The following PTBP3 variants were observed in gnomAD, a reference collection of about 807,000 sequenced individuals.
PTBP3 encodes the protein polypyrimidine tract-binding protein 3.
In PTBP3, 20 loss-of-function variants were observed where a neutral mutation model predicts 58.7. The observed-to-expected ratio is 0.34, with a 90% CI of 0.24 to 0.50. The LOEUF (loss-of-function observed/expected upper bound fraction) is 0.50, where lower values mean the gene tolerates loss of function less well. Ranked by LOEUF, PTBP3 falls within the 20% of genes least tolerant of loss-of-function variation. The pLI is 0.98. For synonymous variants in PTBP3, 185 were observed against 219.8 expected (o/e 0.84, Z 1.40); for missense variants, 509 against 637.2 (o/e 0.80, Z 2.17).
At chr9:112,275,324 G>A (rs1215041837) in intron 3 of PTBP3, among the ~76,000 whole-genome samples, 3 of 151,966 alleles carry the variant, frequency 2.0e-5, no homozygotes, top group African/African-American at 7.3e-5. Flanking sequence ...TAGTAGAGAC[G>A]GGGTTTCACC....
chr9:112,229,382 G>A (rs995014880), intron 10 of PTBP3, among the ~76,000 whole-genome samples: 3 of 151,880 alleles, frequency 2.0e-5, no homozygotes, highest in Non-Finnish European at 4.4e-5. Flanking sequence ...TGGCCAACAT[G>A]GGGAAACCCC....
chr9:112,301,072 G>A (rs1414414946), intron 1 of PTBP3, among the ~76,000 whole-genome samples: 1 of 151,944 alleles, frequency 6.6e-6, no homozygotes, highest in East Asian at 1.9e-4. Flanking sequence ...AGAATAAAAA[G>A]ACAACATGGA....
intron 1 of PTBP3, among the ~76,000 whole-genome samples, chr9:112,326,202 T>C (rs543325807): frequency 7.9e-5 from 12 of 152,338 alleles, no homozygotes; most frequent in Non-Finnish European, 1.8e-4. Context: ...TTAAGACATG[T>C]GCATTTCATT....
At chr9:112,261,710 A>C (rs1486230641) in intron 5 of PTBP3, among the ~76,000 whole-genome samples, 2 of 152,240 alleles carry the variant, frequency 1.3e-5, no homozygotes, top group Non-Finnish European at 2.9e-5. Context: ...TGTATATTAC[A>C]TTCTTAGGAT....
chr9:112,365,574 G>A, the PTBP3 span, among the ~76,000 whole-genome samples: 1 of 152,116 alleles, frequency 6.6e-6, no homozygotes, highest in Non-Finnish European at 1.5e-5. Flanking sequence ...CCAGTCTTGG[G>A]TATGTCTTTA....
At chr9:112,377,871 C>T in the PTBP3 span, among the ~76,000 whole-genome samples, 1 of 152,218 alleles carries the variant, frequency 6.6e-6, no homozygotes, top group Non-Finnish European at 1.5e-5. Context: ...TTTGCTCCTA[C>T]ATCTAATCAT....
downstream of PTBP3, chr9:112,218,329 G>A (rs766653390): frequency 3.9e-5 from 6 of 152,340 alleles, no homozygotes; most frequent in Non-Finnish European, 5.9e-5. Flanking sequence ...CACTAACCAT[G>A]ACACGTTTAG....
the PTBP3 span, among the ~76,000 whole-genome samples, chr9:112,360,956 A>G: frequency 1.3e-5 from 2 of 152,112 alleles, no homozygotes; most frequent in Non-Finnish European, 2.9e-5. Flanking sequence ...GAGAGTCCTT[A>G]TTTGATAACT....
chr9:112,288,092 T>C (rs1828222013), intron 2 of PTBP3, among the ~76,000 whole-genome samples: 1 of 152,212 alleles, frequency 6.6e-6, no homozygotes, highest in South Asian at 2.1e-4. Context: ...TTAGCTACAC[T>C]GTTTTGGAGT....
At chr9:112,267,409 C>T (rs578032379) in intron 4 of PTBP3, among the ~76,000 whole-genome samples, 67 of 152,154 alleles carry the variant, frequency 4.4e-4, no homozygotes, top group Admixed American at 3.9e-3. Flanking sequence ...CCTCACAATC[C>T]ACCCGCCTCG....
chr9:112,340,487 T>C, the PTBP3 span, among the ~76,000 whole-genome samples: 4 of 152,258 alleles, frequency 2.6e-5, no homozygotes, highest in African/African-American at 9.6e-5. Context: ...TATTTTAACG[T>C]GTTTTTAAAT....
At chr9:112,228,338 G>A (rs373722948) in intron 11 of PTBP3, 42 bp downstream of exon 11, 203 of 1,416,238 alleles carry the variant, frequency 1.4e-4, no homozygotes, top group Non-Finnish European at 1.9e-4. Flanking sequence ...ACACAAAAGG[G>A]GCAAGTTCAC....
intron 7 of PTBP3, among the ~76,000 whole-genome samples, chr9:112,248,010 A>G (rs745663058): frequency 2.0e-5 from 3 of 152,330 alleles, no homozygotes; most frequent in Non-Finnish European, 4.4e-5. Context: ...CAATAGGGCA[A>G]TCTGAATAAC....
the PTBP3 span, among the ~76,000 whole-genome samples, chr9:112,373,846 A>T: frequency 2.0e-5 from 3 of 152,236 alleles, no homozygotes; most frequent in Non-Finnish European, 2.9e-5. Flanking sequence ...TAACAAAAGA[A>T]GGAAATACTC....
At chr9:112,341,629 A>AT in the PTBP3 span, among the ~76,000 whole-genome samples, 2 of 151,522 alleles carry the variant, frequency 1.3e-5, no homozygotes, top group African/African-American at 2.4e-5. Context: ...TGCGTTATTG[A>AT]TTTTTTTTGT....
chr9:112,284,125 T>C (rs1827999893), intron 2 of PTBP3, among the ~76,000 whole-genome samples: 1 of 151,638 alleles, frequency 6.6e-6, no homozygotes, highest in Non-Finnish European at 1.5e-5. Context: ...AGCCCGTACA[T>C]ATAGTCCCTG....
At chr9:112,246,783 A>G (rs1835896488) in intron 7 of PTBP3, among the ~76,000 whole-genome samples, 1 of 152,288 alleles carries the variant, frequency 6.6e-6, no homozygotes, top group Non-Finnish European at 1.5e-5. Context: ...TTACAAAGGG[A>G]AGAATAGTAA....
intron 2 of PTBP3, among the ~76,000 whole-genome samples, chr9:112,286,468 T>A (rs1389192959): frequency 6.6e-6 from 1 of 152,198 alleles, no homozygotes; most frequent in East Asian, 1.9e-4. Flanking sequence ...TTTTTTTAAG[T>A]GACTCCTGTG....
chr9:112,378,162 T>C, the PTBP3 span, among the ~76,000 whole-genome samples: 1 of 152,204 alleles, frequency 6.6e-6, no homozygotes, highest in Non-Finnish European at 1.5e-5. Context: ...TTAATCAAGG[T>C]AATGGGGTAG....
Sources: gnomAD v4.1 joint callset for allele counts (sites outside exome capture counted in the v4.1 genomes callset) on GRCh38, gnomAD v4.1.1 for gene constraint, MANE v1.5 for transcripts, NCBI Gene and HGNC (gene_info 2026-07-23, HGNC 2026-07-21) for gene names.